Variants in PRELID3A observed in about 807,000 individuals in gnomAD.
The protein encoded by PRELID3A is PRELI domain containing 3A.
Under a neutral mutation model 23.0 loss-of-function variants are expected in PRELID3A, and 27 were observed. The ratio of observed to expected loss-of-function variants is 1.17; its 90% confidence interval spans 0.87 to 1.62. The LOEUF (loss-of-function observed/expected upper bound fraction) is 1.62, where lower values mean the gene tolerates loss of function less well. PRELID3A is among the 40% of genes most tolerant of loss of function. The probability of loss-of-function intolerance (pLI) is 0.00; values close to 1 mark genes in which losing one functional copy is unlikely to be tolerated. For missense variants in PRELID3A, 231 were observed against 231.4 expected (o/e 1.00, Z 0.01); for synonymous variants, 87 against 86.4 (o/e 1.01, Z -0.04).
rs538484868 is a variant in PRELID3A at position 12,416,120 on chromosome 18, G to A, written c.33-4205G>A. ...CCTGACTGATTTCGGCAGGGGCGGG[G>A]TGTCCATTTTCAGCTTCTCTGGGTA... On this transcript the variant is annotated intron_variant, in intron 1 of 6. Coordinates refer to ENST00000440960, the MANE Select transcript of PRELID3A (RefSeq NM_001142405.2). 1.9e-3 allele frequency among the ~76,000 whole-genome samples: 291 copies of A among 152,324 alleles called. 2 individuals are homozygous for A. Among genetic ancestry groups the A allele is most frequent in the South Asian group, 8.1e-3 (39 of 4,822 alleles).
intron 2 of PRELID3A, 36 bp downstream of exon 2, chr18:12,420,529 C>G (rs1461519170): frequency 6.8e-7 from 1 of 1,476,978 alleles, no homozygotes; most frequent in East Asian, 2.6e-5. Context: ...CGAACGCGCC[C>G]GACTCCCCCA....
At chr18:12,410,731 C>G (rs1216867491) in intron 1 of PRELID3A, 1 of 151,592 alleles carries the variant, frequency 6.6e-6, no homozygotes, top group African/African-American at 2.4e-5. Context: ...GAATCTTGCT[C>G]TATCACCCAG....
chr18:12,418,560 CTGGGCTG>C (rs1841279239), intron 1 of PRELID3A, among the ~76,000 whole-genome samples: 1 of 152,208 alleles, frequency 6.6e-6, no homozygotes, highest in African/African-American at 2.4e-5. Context: ...GGGCTTGCCT[CTGGGCTG>C]TGTCTATACA....
At chr18:12,414,492 G>A (rs1040772338) in intron 1 of PRELID3A, among the ~76,000 whole-genome samples, 3 of 152,200 alleles carry the variant, frequency 2.0e-5, no homozygotes, top group South Asian at 4.1e-4. Flanking sequence ...TTGGGAGGCC[G>A]AGGTGGGTGG....
chr18:12,420,253 G>T, intron 1 of PRELID3A, 72 bp from the exon 2 acceptor site: 5 of 1,508,010 alleles, frequency 3.3e-6, no homozygotes, highest in Non-Finnish European at 3.6e-6. Context: ...CCTGGCGGCG[G>T]CTTTTCCTCC....
chr18:12,415,458 C>T (rs1225839079), intron 1 of PRELID3A, among the ~76,000 whole-genome samples: 5 of 151,846 alleles, frequency 3.3e-5, no homozygotes, highest in Non-Finnish European at 7.4e-5. Flanking sequence ...CTGGGTTTCA[C>T]CATGTTGGGC....
intron 1 of PRELID3A, among the ~76,000 whole-genome samples, chr18:12,417,040 A>T (rs1013409730): frequency 6.6e-5 from 10 of 152,116 alleles, no homozygotes; most frequent in African/African-American, 2.4e-4. Flanking sequence ...TATTATGTTT[A>T]TCATTTTCCT....
intron 5 of PRELID3A, among the ~76,000 whole-genome samples, chr18:12,427,568 C>T (rs2030421675): frequency 6.6e-6 from 1 of 151,824 alleles, no homozygotes; most frequent in Non-Finnish European, 1.5e-5. Context: ...AGTGGCACAC[C>T]TCTGTAGTCC....
At chr18:12,428,919 G>A (rs2030462568) in intron 5 of PRELID3A, among the ~76,000 whole-genome samples, 1 of 152,226 alleles carries the variant, frequency 6.6e-6, no homozygotes, top group South Asian at 2.1e-4. Flanking sequence ...TTTATTAGAG[G>A]TTGTGTTGAA....
intron 1 of PRELID3A, 159 bp from the exon 2 acceptor site, chr18:12,420,165 CG>C: frequency 7.0e-7 from 1 of 1,429,840 alleles, no homozygotes. Context: ...AGCCGGCGGC[CG>C]GGGAGGGCTC....
chr18:12,420,773 T>A (rs1475417531), intron 2 of PRELID3A, among the ~76,000 whole-genome samples: 3 of 72,466 alleles, frequency 4.1e-5, no homozygotes, highest in Middle Eastern at 7.5e-3. Flanking sequence ...GGGGGGGATC[T>A]TCCTCGAGAT....
chr18:12,409,508 G>T (rs1296859796), intron 1 of PRELID3A, among the ~76,000 whole-genome samples: 1 of 152,012 alleles, frequency 6.6e-6, no homozygotes, highest in East Asian at 1.9e-4. Context: ...TATATCAAGT[G>T]GTTTCAAAAC....
intron 1 of PRELID3A, among the ~76,000 whole-genome samples, chr18:12,410,142 A>G (rs1017084245): frequency 2.0e-5 from 3 of 152,188 alleles, no homozygotes; most frequent in Non-Finnish European, 4.4e-5. Context: ...GATTTTCTTG[A>G]GGCTCACCAT....
At chr18:12,410,516 G>C (rs986900033) in intron 1 of PRELID3A, among the ~76,000 whole-genome samples, 1 of 152,162 alleles carries the variant, frequency 6.6e-6, no homozygotes, top group Non-Finnish European at 1.5e-5. Context: ...CCAAATGACA[G>C]TACAAATTGG....
intron 1 of PRELID3A, among the ~76,000 whole-genome samples, chr18:12,418,778 T>C (rs1172849088): frequency 2.0e-5 from 3 of 152,216 alleles, no homozygotes; most frequent in African/African-American, 7.2e-5. Flanking sequence ...ACAGGTGTGG[T>C]GGCCCCTCAC....
intron 3 of PRELID3A, among the ~76,000 whole-genome samples, chr18:12,425,719 C>T (rs550997603): frequency 5.3e-5 from 8 of 151,918 alleles, no homozygotes; most frequent in South Asian, 2.1e-4. Flanking sequence ...GTGGGAGGAT[C>T]GCTTGAGCTC....
chr18:12,429,982 C>T (rs2030512816), intron 6 of PRELID3A, among the ~76,000 whole-genome samples: 1 of 152,262 alleles, frequency 6.6e-6, no homozygotes, highest in South Asian at 2.1e-4. Flanking sequence ...CTTCTAGTGG[C>T]CCTGCCCCGA....
chr18:12,408,080 T>A (rs914167064), intron 1 of PRELID3A, 73 bp downstream of exon 1: 1 of 1,197,328 alleles, frequency 8.4e-7, no homozygotes, highest in Non-Finnish European at 1.0e-6. Context: ...GCTGGAGCGG[T>A]CCAGGAAAGG....
rs538340991 is a variant in PRELID3A at position 12,426,385 on chromosome 18, T to C, written c.292-656T>C. On this transcript the variant is annotated intron_variant, in intron 3 of 6. Transcript: ENST00000440960. ...CTGGCTAACACGGTGAAACTCCGTC[T>C]CTACTAAAAATACAAAAAATTAGCT... 4.1e-3 allele frequency among the ~76,000 whole-genome samples: 606 copies of C among 148,652 alleles called. 3 individuals are homozygous for C. Among genetic ancestry groups the C allele is most frequent in the African/African-American group, 0.012 (466 of 40,482 alleles).
Sources: allele counts gnomAD v4.1 joint callset (sites outside exome capture counted in the v4.1 genomes callset), GRCh38; gene constraint gnomAD v4.1.1; transcripts MANE v1.5; gene names NCBI Gene and HGNC (gene_info 2026-07-23, HGNC 2026-07-21).